FILIP1L: variants seen among roughly 807,000 people sequenced by gnomAD.
FILIP1L encodes filamin A interacting protein 1 like, also known as filamin A-interacting protein 1-like.
Under a neutral mutation model 96.6 loss-of-function variants are expected in FILIP1L, and 55 were observed. The ratio of observed to expected loss-of-function variants is 0.57; its 90% confidence interval spans 0.46 to 0.71. The LOEUF is 0.71. Among genes scored for constraint, FILIP1L ranks in the 30% least tolerant of loss-of-function variants. FILIP1L has a pLI of 0.00. For missense variants in FILIP1L, 1,304 were observed against 1,321.2 expected (o/e 0.99, Z 0.20); for synonymous variants, 467 against 473.9 (o/e 0.99, Z 0.19).
chr3:99,995,549 A>T (rs1018769029), intron 1 of FILIP1L, among the ~76,000 whole-genome samples: 2 of 152,154 alleles, frequency 1.3e-5, no homozygotes, highest in Admixed American at 1.3e-4. Flanking sequence ...GTGCCCAAGT[A>T]GGGACTCTGA....
chr3:99,907,498 C>T (rs1021375777), intron 4 of FILIP1L, among the ~76,000 whole-genome samples: 7 of 152,112 alleles, frequency 4.6e-5, no homozygotes, highest in African/African-American at 1.7e-4. Flanking sequence ...CCACCCGCCT[C>T]GGCCTCCCAA....
At chr3:99,964,844 C>A (rs1708599195) in intron 1 of FILIP1L, among the ~76,000 whole-genome samples, 2 of 152,116 alleles carry the variant, frequency 1.3e-5, no homozygotes, top group Admixed American at 1.3e-4. Context: ...CTCCCTGTAA[C>A]TGTGGAAAAA....
chr3:100,021,830 A>C (rs183545027), intron 1 of FILIP1L, among the ~76,000 whole-genome samples: 6 of 152,202 alleles, frequency 3.9e-5, no homozygotes, highest in Admixed American at 3.3e-4. Flanking sequence ...ATTATAATTC[A>C]ATAGAACAGT....
intron 5 of FILIP1L, among the ~76,000 whole-genome samples, chr3:99,844,191 G>A (rs1943260919): frequency 6.6e-6 from 1 of 152,162 alleles, no homozygotes; most frequent in Non-Finnish European, 1.5e-5. Flanking sequence ...AAAATTTGAA[G>A]TACCGTTTTA....
At chr3:100,074,532 A>G (rs182621785) in intron 1 of FILIP1L, among the ~76,000 whole-genome samples, 35 of 152,142 alleles carry the variant, frequency 2.3e-4, no homozygotes, top group African/African-American at 8.4e-4. Flanking sequence ...TATAGCCAGT[A>G]TGTTTGGCAA....
chr3:99,865,437 C>T (rs1944465555), intron 4 of FILIP1L, among the ~76,000 whole-genome samples: 1 of 152,186 alleles, frequency 6.6e-6, no homozygotes, highest in Non-Finnish European at 1.5e-5. Context: ...AAATCACCAC[C>T]ACTAGCAATT....
intron 5 of FILIP1L, chr3:99,833,208 G>T: frequency 1.2e-6 from 2 of 1,602,430 alleles, no homozygotes; most frequent in Non-Finnish European, 1.7e-6. Flanking sequence ...GATTTGGAAT[G>T]CCTTAAAAGT....
intron 1 of FILIP1L, among the ~76,000 whole-genome samples, chr3:100,105,956 A>G (rs758357362): frequency 5.9e-5 from 9 of 152,180 alleles, no homozygotes; most frequent in Non-Finnish European, 1.3e-4. Context: ...AAGTCATTCA[A>G]TTCACATAGC....
intron 4 of FILIP1L, among the ~76,000 whole-genome samples, chr3:99,855,114 C>A (rs182843112): frequency 1.3e-3 from 192 of 152,228 alleles, no homozygotes; most frequent in Non-Finnish European, 2.4e-3. Context: ...ATTAACTCTG[C>A]CAATTGTTGT....
chr3:99,977,030 A>G (rs572942854), intron 1 of FILIP1L, among the ~76,000 whole-genome samples: 13 of 152,294 alleles, frequency 8.5e-5, no homozygotes, highest in African/African-American at 2.9e-4. Flanking sequence ...TCTTAGATAT[A>G]TAGGGGAATC....
At chr3:99,961,116 A>G (rs895729387) in intron 1 of FILIP1L, among the ~76,000 whole-genome samples, 7 of 152,222 alleles carry the variant, frequency 4.6e-5, no homozygotes, top group Non-Finnish European at 1.0e-4. Context: ...GGAAAATGCA[A>G]TAAATCTAAA....
chr3:99,917,820 A>T (rs1480648922), intron 4 of FILIP1L, among the ~76,000 whole-genome samples: 1 of 152,224 alleles, frequency 6.6e-6, no homozygotes, highest in East Asian at 1.9e-4. Context: ...AGTCACTGTC[A>T]TTCTCACTGA....
chr3:100,014,900 T>TTTTTTTTTTTTTTTTTTTTTTC (rs1710291609), intron 1 of FILIP1L, among the ~76,000 whole-genome samples: 1 of 141,540 alleles, frequency 7.1e-6, no homozygotes, highest in Non-Finnish European at 1.5e-5. Flanking sequence ...TCTTTCTTTT[T>TTTTTTTTTTTTTTTTTTTTTTC]TTTTTTTTTT....
At chr3:99,831,936 G>A (rs1452723757) in intron 5 of FILIP1L, among the ~76,000 whole-genome samples, 1 of 152,174 alleles carries the variant, frequency 6.6e-6, no homozygotes, top group African/African-American at 2.4e-5. Context: ...GGTATGCATA[G>A]TTCAATACTG....
intron 1 of FILIP1L, among the ~76,000 whole-genome samples, chr3:100,014,874 C>CTTTTTTT (rs200759774): frequency 1.4e-4 from 4 of 28,198 alleles, no homozygotes; most frequent in Admixed American, 4.0e-4. Context: ...TTTTTCTTTT[C>CTTTTTTT]TTTTTTTTTT....
At chr3:99,998,189 T>G (rs1353174127) in intron 1 of FILIP1L, among the ~76,000 whole-genome samples, 1 of 152,224 alleles carries the variant, frequency 6.6e-6, no homozygotes, top group Non-Finnish European at 1.5e-5. Flanking sequence ...TGGCAAAAAC[T>G]GCAATTACTT....
At chr3:100,088,779 A>G (rs2066055271) in intron 1 of FILIP1L, among the ~76,000 whole-genome samples, 1 of 151,848 alleles carries the variant, frequency 6.6e-6, no homozygotes, top group Non-Finnish European at 1.5e-5. Context: ...TCTCTTCTCT[A>G]TCTGCCCCAC....
intron 1 of FILIP1L, among the ~76,000 whole-genome samples, chr3:100,098,910 A>G (rs1347044639): frequency 1.3e-5 from 2 of 152,244 alleles, no homozygotes; most frequent in East Asian, 3.8e-4. Context: ...GGAACTAGAT[A>G]CTTCTCAATT....
chr3:99,860,958 C>A (rs538658964), intron 4 of FILIP1L, among the ~76,000 whole-genome samples: 1 of 151,934 alleles, frequency 6.6e-6, no homozygotes. Flanking sequence ...TTCTTTATGC[C>A]GTTTACTCAG....
Sources: allele counts gnomAD v4.1 joint callset (sites outside exome capture counted in the v4.1 genomes callset), GRCh38; gene constraint gnomAD v4.1.1; transcripts MANE v1.5; gene names NCBI Gene and HGNC (gene_info 2026-07-23, HGNC 2026-07-21).